Variants in EXTL3 observed in about 807,000 individuals in gnomAD.
EXTL3 encodes exostosin-like 3.
Under a neutral mutation model 69.3 loss-of-function variants are expected in EXTL3, and 27 were observed. The ratio of observed to expected loss-of-function variants is 0.39; its 90% CI spans 0.29 to 0.54. EXTL3 has a LOEUF of 0.54. Ranked by LOEUF, EXTL3 falls within the 20% of genes least tolerant of loss-of-function variation. The probability of loss-of-function intolerance (pLI) is 0.69; values close to 1 mark genes in which losing one functional copy is unlikely to be tolerated. For synonymous variants in EXTL3, 511 were observed against 499.4 expected (o/e 1.02, Z -0.31); for missense variants, 1,003 against 1,231.8 (o/e 0.81, Z 2.78).
chr8:28,619,029 T>C (rs1237039066), upstream of EXTL3, among the ~76,000 whole-genome samples: 1 of 141,768 alleles, frequency 7.1e-6, no homozygotes, highest in Non-Finnish European at 1.5e-5. Flanking sequence ...GAGGCGGAGG[T>C]TGCAGTGAGC....
In EXTL3 at chr8:28,738,641, C is replaced by T. The variant is rs144030982; in HGVS notation, c.2421+978C>T. The stretch of plus-strand genomic sequence containing the variant: ...CCCCCACTGCCCACCACACAGAGCA[C>T]CTCTTCTGTGCCCTGAGTCTTCTCT... On this transcript the variant is annotated intron_variant, in intron 5 of 6. Transcript: ENST00000220562. 6.6e-5 allele frequency among the ~76,000 whole-genome samples: 10 copies of T among 152,276 alleles called. No homozygotes were observed. In the East Asian group the frequency reaches 1.9e-3, roughly 29 times the overall value.
At chr8:28,677,898 T>C (rs1807414356) in intron 1 of EXTL3, among the ~76,000 whole-genome samples, 1 of 152,248 alleles carries the variant, frequency 6.6e-6, no homozygotes, top group Non-Finnish European at 1.5e-5. Context: ...GTTGGGATTC[T>C]GAGAGGTCCT....
intron 1 of EXTL3, among the ~76,000 whole-genome samples, chr8:28,709,585 A>G (rs1047309529): frequency 3.3e-5 from 5 of 152,144 alleles, no homozygotes; most frequent in African/African-American, 7.2e-5. Context: ...AATTTTCTGC[A>G]TATAAAAAAA....
rs1296797064 is a variant in EXTL3, at chr8:28,713,481, C to T, written c.-545C>T. The T allele has an allele frequency of 1.4e-6, 1 of 698,382 alleles. No individual in the cohort carries two copies. Among genetic ancestry groups the T allele is most frequent in the Non-Finnish European group, 2.6e-6 (1 of 383,518 alleles). 43.3% of individuals were successfully genotyped at this position (698,382 alleles called of 1,614,324 possible). A position where few individuals can be genotyped will look rare whatever the true frequency, so the allele number is the denominator to read the frequency against. ...GGAGAGCAAGCCCTGGAGGTTCACTCTTTCAAGAAGTCGTGTGCTGAGGTG... is the reference window on the plus strand; with the variant it reads ...GGAGAGCAAGCCCTGGAGGTTCACTTTTTCAAGAAGTCGTGTGCTGAGGTG... On this transcript the variant is annotated 5_prime_UTR_variant, in exon 2 of 7. Coordinates refer to ENST00000220562, the MANE Select transcript of EXTL3 (RefSeq NM_001440.4).
At chr8:28,729,292 CAAAAAAAAA>C (rs72487306) in intron 3 of EXTL3, among the ~76,000 whole-genome samples, 1 of 74,068 alleles carries the variant, frequency 1.4e-5, no homozygotes, top group African/African-American at 5.9e-5. Flanking sequence ...GACTCTATCT[CAAAAAAAAA>C]AAAAAAAAAA....
intron 1 of EXTL3, among the ~76,000 whole-genome samples, chr8:28,687,423 AC>A (rs1356536852): frequency 3.3e-5 from 5 of 152,116 alleles, no homozygotes; most frequent in Non-Finnish European, 7.4e-5. Context: ...CCGAGATCAC[AC>A]CACTGCACTC....
In EXTL3 at chr8:28,716,854, C is replaced by T. The variant is rs1180937782; in HGVS notation, c.795C>T (p.His265=). The T allele has an allele frequency of 1.2e-5, 19 of 1,614,108 alleles. No homozygotes were observed. The highest frequency in any genetic ancestry group is 3.3e-5 in the Admixed American group (2 of 60,004). The change falls in exon 3 of 7, where the codon CAC becomes CAT. Residue 265 remains histidine (H), a synonymous_variant. Transcript: ENST00000220562. This position sits in a 1 kb window ranked among gnomAD's most constrained non-coding sequence, Gnocchi z 7.1. ...ELEKQLYSLP[H]WRTDGHNHVI... ...AGAAGCAGTTGTATTCCCTGCCACA[C>T]TGGCGGACGGATGGACACAACCATG...
intron 1 of EXTL3, among the ~76,000 whole-genome samples, chr8:28,676,937 G>GTGC (rs1239778042): frequency 2.0e-5 from 3 of 152,146 alleles, no homozygotes; most frequent in Non-Finnish European, 4.4e-5. Context: ...TGGGATGCTG[G>GTGC]TGCTGCTGGT....
At position 28,754,971 on chromosome 8, in the gene EXTL3, TG is replaced by T. The variant is rs1802088171; in HGVS notation, c.*4107del. The stretch of plus-strand genomic sequence containing the variant: ...ATGTAGTGGGTAAAGGTCTGGGCCC[TG>T]GAACAGACTGGGTGCAGATCTTGGG... On this transcript the variant is annotated 3_prime_UTR_variant, in exon 7 of 7. Coordinates refer to ENST00000220562, the MANE Select transcript of EXTL3 (RefSeq NM_001440.4). 2 of 152,238 alleles carry T rather than the reference TG, an allele frequency of 1.3e-5. No individual in the cohort carries two copies. The highest frequency in any genetic ancestry group is 2.9e-5 in the Non-Finnish European group (2 of 68,048). The allele number at this position is 152,238 out of a possible 1,614,324, so 9.4% of individuals were successfully genotyped here.
intron 6 of EXTL3, chr8:28,744,018 A>G (rs968862483): frequency 6.6e-6 from 1 of 152,456 alleles, no homozygotes; most frequent in Admixed American, 6.5e-5. Context: ...CTCAGTGCAC[A>G]GAAAGCCTGG....
intron 1 of EXTL3, among the ~76,000 whole-genome samples, chr8:28,683,683 G>A (rs1253881414): frequency 2.0e-5 from 3 of 152,098 alleles, no homozygotes; most frequent in South Asian, 2.1e-4. Context: ...AGTGGCACGC[G>A]CCTGTAGTCC....
chr8:28,643,426 C>CTTTTTTTTTTTT (rs138680672), intron 1 of EXTL3, among the ~76,000 whole-genome samples: 30 of 143,974 alleles, frequency 2.1e-4, no homozygotes, highest in African/African-American at 5.8e-4. Flanking sequence ...TTCTTTTTTT[C>CTTTTTTTTTTTT]TTTTTTGAGA....
At chr8:28,697,283 A>C (rs916991130), upstream of EXTL3, 2 of 152,202 alleles carry the variant, frequency 1.3e-5, no homozygotes, top group Non-Finnish European at 2.9e-5. Context: ...GAGGCCCCCA[A>C]CTGTGATGTT....
intron 1 of EXTL3, among the ~76,000 whole-genome samples, chr8:28,627,863 G>A (rs1255041616): frequency 2.6e-5 from 4 of 152,048 alleles, no homozygotes; most frequent in African/African-American, 7.2e-5. Flanking sequence ...GATTCTACTC[G>A]TATGAGGTCC....
chr8:28,752,339 A>G lies in EXTL3; in HGVS notation c.*1473A>G, dbSNP rs918771709. 2.9e-4 allele frequency: 45 copies of G among 152,568 alleles called. No individual in the cohort carries two copies. Among genetic ancestry groups the G allele is most frequent in the African/African-American group, 7.7e-4 (32 of 41,396 alleles). 9.5% of individuals were successfully genotyped at this position (152,568 alleles called of 1,614,324 possible). ...GTGTTTCTTGAACCCTACTTTCTGG[A>G]AGTGGAGTTGACTCTGGAAGTTTTC... On this transcript the variant is annotated 3_prime_UTR_variant, in exon 7 of 7. Coordinates refer to ENST00000220562, the MANE Select transcript of EXTL3 (RefSeq NM_001440.4).
intron 1 of EXTL3, among the ~76,000 whole-genome samples, chr8:28,670,208 C>CCAAAAAAAAAAAA (rs1807263802): frequency 1.2e-5 from 1 of 80,414 alleles, no homozygotes. Context: ...GACTCTGTCT[C>CCAAAAAAAAAAAA]AAAAAAAAAA....
At chr8:28,626,194 A>C (rs1806488522) in intron 1 of EXTL3, among the ~76,000 whole-genome samples, 1 of 151,830 alleles carries the variant, frequency 6.6e-6, no homozygotes, top group Admixed American at 6.6e-5. Context: ...AATTAAACTA[A>C]AAAAATTTTT....
At chr8:28,640,538 C>A (rs1460041439) in intron 1 of EXTL3, among the ~76,000 whole-genome samples, 1 of 152,182 alleles carries the variant, frequency 6.6e-6, no homozygotes, top group Non-Finnish European at 1.5e-5. Context: ...AACTCAGAGC[C>A]CCCGACTTTC....
chr8:28,636,545 C>T (rs1806659260), intron 1 of EXTL3, among the ~76,000 whole-genome samples: 1 of 152,088 alleles, frequency 6.6e-6, no homozygotes, highest in African/African-American at 2.4e-5. Flanking sequence ...ACTTTGATCT[C>T]AACTGGGTGA....
Sources: gnomAD v4.1 joint callset for allele counts (sites outside exome capture counted in the v4.1 genomes callset) on GRCh38, gnomAD v4.1.1 for gene constraint, Gnocchi (gnomAD v3.1) non-coding constraint, MANE v1.5 for transcripts, NCBI Gene and HGNC (gene_info 2026-07-23, HGNC 2026-07-21) for gene names.